Variants in WDR25 observed in about 807,000 individuals in gnomAD.
The protein encoded by WDR25 is WD repeat-containing protein 25.
Under a neutral mutation model 47.7 loss-of-function variants are expected in WDR25, and 35 were observed. That is an observed-to-expected ratio of 0.73 (90% confidence interval 0.56 to 0.97). WDR25 has a LOEUF of 0.97. Ranked by LOEUF, WDR25 falls within the 50% of genes least tolerant of loss-of-function variation. The probability of loss-of-function intolerance (pLI) is 0.00; values close to 1 mark genes in which losing one functional copy is unlikely to be tolerated. For missense variants in WDR25, 634 were observed against 704.7 expected (o/e 0.90, Z 1.14); for synonymous variants, 248 against 278.9 (o/e 0.89, Z 1.10).
At chr14:100,519,924 A>G (rs1318115568) in intron 4 of WDR25, among the ~76,000 whole-genome samples, 2 of 143,282 alleles carry the variant, frequency 1.4e-5, no homozygotes, top group African/African-American at 5.1e-5. Context: ...TAGTATATAT[A>G]CTATATATAC....
At chr14:100,445,371 G>A (rs1898798951) in intron 2 of WDR25, among the ~76,000 whole-genome samples, 1 of 152,098 alleles carries the variant, frequency 6.6e-6, no homozygotes, top group Non-Finnish European at 1.5e-5. Context: ...CCTTCAAGGT[G>A]GTAATAAAAT....
chr14:100,492,548 T>C (rs1900601123), intron 4 of WDR25, among the ~76,000 whole-genome samples: 2 of 152,260 alleles, frequency 1.3e-5, no homozygotes, highest in Admixed American at 1.3e-4. Context: ...AGCAGGTTCT[T>C]TGGACCTGTG....
intron 2 of WDR25, among the ~76,000 whole-genome samples, chr14:100,464,675 C>A (rs1899546082): frequency 6.8e-6 from 1 of 147,758 alleles, no homozygotes; most frequent in South Asian, 2.2e-4. Context: ...ATCTCATCTC[C>A]CCTACCTCAT....
In WDR25 at chr14:100,481,439, C is replaced by CTT. The variant is rs34968968; in HGVS notation, c.971-2541_971-2540dup. On this transcript the variant is annotated intron_variant, in intron 3 of 6. Transcript: ENST00000402312. ...TCATCCCATTTTTTAAGTGTAAATG[C>CTT]TTTTTTTTTTTTTTTAAGAGGTGAA... is the stretch of plus-strand genomic sequence containing the variant. Among the ~76,000 whole-genome samples, 499 of 140,534 alleles carry CTT rather than the reference C, an allele frequency of 3.6e-3. 7 individuals are homozygous for CTT. Among genetic ancestry groups the CTT allele is most frequent in the East Asian group, 0.033 (160 of 4,862 alleles). The allele number at this position is 140,534 out of a possible 152,430, so 92.2% of individuals were successfully genotyped here. A position where few individuals can be genotyped will look rare whatever the true frequency, so the allele number is the denominator to read the frequency against.
Position 100,422,294 on chromosome 14 carries a change from T to C in WDR25, c.822+40548T>C, listed in dbSNP as rs73343584. 4.8e-3 allele frequency among the ~76,000 whole-genome samples: 731 copies of C among 152,282 alleles called. 10 individuals are homozygous for C. The highest frequency in any genetic ancestry group is 0.017 in the African/African-American group (688 of 41,550). ...TATTACATGTGGCCTCTCCATGTGG[T>C]CTGGGCTTCCTCATCCCATGGCAGC... On this transcript the variant is annotated intron_variant, in intron 2 of 6. Transcript: ENST00000402312.
intron 2 of WDR25, among the ~76,000 whole-genome samples, chr14:100,422,158 T>C (rs1044310849): frequency 6.6e-6 from 1 of 152,208 alleles, no homozygotes; most frequent in African/African-American, 2.4e-5. Context: ...CTTGGTATCA[T>C]GTGGGGCAGC....
In WDR25 at chr14:100,424,081, G is replaced by C. The variant is rs1481662692; in HGVS notation, c.822+42335G>C. 6.6e-6 allele frequency among the ~76,000 whole-genome samples: 1 copy of C among 152,170 alleles called. No individual in the cohort carries two copies. The highest frequency in any genetic ancestry group is 1.9e-4 in the East Asian group (1 of 5,184). ...CAGGTGTGCCACAGGCCATCTCGCAGGGCCTCCCTGTACCAACCAGATTGG... is the reference window on the plus strand; with the variant it reads ...CAGGTGTGCCACAGGCCATCTCGCACGGCCTCCCTGTACCAACCAGATTGG... On this transcript the variant is annotated intron_variant, in intron 2 of 6. Coordinates refer to ENST00000402312, the MANE Select transcript of WDR25 (RefSeq NM_001161476.3). The surrounding 1 kb of genome is among the most constrained non-coding windows in gnomAD (Gnocchi z 4.2).
intron 5 of WDR25, among the ~76,000 whole-genome samples, chr14:100,527,256 ACAC>A (rs1310840004): frequency 6.6e-6 from 1 of 150,698 alleles, no homozygotes; most frequent in Admixed American, 6.6e-5. Context: ...CATCTCTGTC[ACAC>A]CACCATCACC....
chr14:100,460,853 CAAGAA>C (rs373332136), intron 2 of WDR25, among the ~76,000 whole-genome samples: 66 of 152,166 alleles, frequency 4.3e-4, no homozygotes, highest in African/African-American at 1.5e-3. Context: ...TAAGACAAGA[CAAGAA>C]AAGGATCCAG....
chr14:100,490,880 A>G (rs1900539449), intron 4 of WDR25, among the ~76,000 whole-genome samples: 1 of 152,212 alleles, frequency 6.6e-6, no homozygotes, highest in Non-Finnish European at 1.5e-5. Context: ...CATCTGTTTT[A>G]TATTAAAAAG....
chr14:100,392,694 T>C lies in WDR25; in HGVS notation c.822+10948T>C, dbSNP rs1347169771. On this transcript the variant is annotated intron_variant, in intron 2 of 6. Coordinates refer to ENST00000402312, the MANE Select transcript of WDR25 (RefSeq NM_001161476.3). This position sits in a 1 kb window ranked among gnomAD's most constrained non-coding sequence, Gnocchi z 4.2. ...TGTGCCACCAGCCGCCTCTGCGTCTTTGGAGGGCCGTCAATTTTCACTGGT... is the reference window on the plus strand; with the variant it reads ...TGTGCCACCAGCCGCCTCTGCGTCTCTGGAGGGCCGTCAATTTTCACTGGT... 6.6e-6 allele frequency among the ~76,000 whole-genome samples: 1 copy of C among 152,182 alleles called. No homozygotes were observed. Among genetic ancestry groups the C allele is most frequent in the Non-Finnish European group, 1.5e-5 (1 of 68,026 alleles).
rs1566894619 is a variant in WDR25, at chr14:100,407,519, C to T, written c.822+25773C>T. On this transcript the variant is annotated intron_variant, in intron 2 of 6. Coordinates refer to ENST00000402312, the MANE Select transcript of WDR25 (RefSeq NM_001161476.3). This position sits in a 1 kb window ranked among gnomAD's most constrained non-coding sequence, Gnocchi z 4.1. ...TGTGGGGCTCATGGATGGTTTTAGG[C>T]CCTTCTGCCCCCTTTGTCAGTGTGC... 6.6e-6 allele frequency: 1 copy of T among 152,256 alleles called. No homozygotes were observed. The highest frequency in any genetic ancestry group is 2.4e-5 in the African/African-American group (1 of 41,400). 9.4% of individuals were successfully genotyped at this position (152,256 alleles called of 1,614,324 possible).
intron 2 of WDR25, among the ~76,000 whole-genome samples, chr14:100,415,663 G>A (rs1037168262): frequency 6.6e-6 from 1 of 152,188 alleles, no homozygotes; most frequent in African/African-American, 2.4e-5. Flanking sequence ...ACTCCTCTCT[G>A]TAATGCATCC....
chr14:100,500,610 C>T lies in WDR25; in HGVS notation c.1101+16486C>T, dbSNP rs1050768463. 6.6e-6 allele frequency among the ~76,000 whole-genome samples: 1 copy of T among 152,172 alleles called. No individual in the cohort carries two copies. The highest frequency in any genetic ancestry group is 1.9e-4 in the East Asian group (1 of 5,192). ...GCAGGGCCTGGGGTTTTGGGGCCCCCCACAGTTTTGACGCTGGCTCAGCCA... is the reference window on the plus strand; with the variant it reads ...GCAGGGCCTGGGGTTTTGGGGCCCCTCACAGTTTTGACGCTGGCTCAGCCA... On this transcript the variant is annotated intron_variant, in intron 4 of 6. Transcript: ENST00000402312. This position sits in a 1 kb window ranked among gnomAD's most constrained non-coding sequence, Gnocchi z 4.7.
chr14:100,509,385 A>G (rs1027235448), intron 4 of WDR25, among the ~76,000 whole-genome samples: 4 of 152,072 alleles, frequency 2.6e-5, no homozygotes, highest in South Asian at 4.1e-4. Context: ...TTATTTTTTA[A>G]TGGCTGGGGT....
intron 2 of WDR25, among the ~76,000 whole-genome samples, chr14:100,435,477 C>T (rs1898472603): frequency 1.3e-5 from 2 of 152,030 alleles, no homozygotes; most frequent in African/African-American, 4.8e-5. Context: ...GTTGTGTGCT[C>T]AGAAAAATTT....
chr14:100,410,934 C>T lies in WDR25; in HGVS notation c.822+29188C>T, dbSNP rs547754761. ...AGTAGCTGGGACTACAGGTGTGCACCACCACGCCTGGCTAATTTTTGTATT... is the reference window on the plus strand; with the variant it reads ...AGTAGCTGGGACTACAGGTGTGCACTACCACGCCTGGCTAATTTTTGTATT... On this transcript the variant is annotated intron_variant, in intron 2 of 6. Transcript: ENST00000402312. Among the ~76,000 whole-genome samples the T allele has an allele frequency of 1.8e-4, 27 of 152,044 alleles. 1 individual carries two copies. Among genetic ancestry groups the T allele is most frequent in the African/African-American group, 6.5e-4 (27 of 41,470 alleles).
Position 100,529,068 on chromosome 14 carries a change from G to A in WDR25, c.1273G>A (p.Glu425Lys). 6.5e-7 allele frequency: 1 copy of A among 1,543,712 alleles called. No individual in the cohort carries two copies. The highest frequency in any genetic ancestry group is 8.8e-7 in the Non-Finnish European group (1 of 1,139,098). ...CCATTTGTGGCTCTGCTGTTCTCAGGAGAGGTTCACCTGCCCCAGCCTCGC... is the reference window on the plus strand; with the variant it reads ...CCATTTGTGGCTCTGCTGTTCTCAGAAGAGGTTCACCTGCCCCAGCCTCGC... ...SAKISNQIFH[E>K]RFTCPSLALH... The change falls in exon 6 of 7, where the codon GAG becomes AAG. Residue 425 changes from glutamate (E) to lysine (K), a missense_variant and splice_region_variant. Coordinates refer to ENST00000402312, the MANE Select transcript of WDR25 (RefSeq NM_001161476.3). The surrounding 1 kb of genome is among the most constrained non-coding windows in gnomAD (Gnocchi z 5.1).
chr14:100,441,649 C>G (rs1898674204), intron 2 of WDR25, among the ~76,000 whole-genome samples: 1 of 152,156 alleles, frequency 6.6e-6, no homozygotes, highest in Admixed American at 6.5e-5. Context: ...CCTAGCCTGC[C>G]TGCTGAGTTA....
Sources: allele counts gnomAD v4.1 joint callset (sites outside exome capture counted in the v4.1 genomes callset), GRCh38; gene constraint gnomAD v4.1.1; non-coding constraint Gnocchi (gnomAD v3.1); transcripts MANE v1.5; gene names NCBI Gene and HGNC (gene_info 2026-07-23, HGNC 2026-07-21).